The following TAGLN variants were observed in gnomAD, a reference collection of about 807,000 sequenced individuals.
The protein encoded by TAGLN is transgelin.
In TAGLN, 16 loss-of-function variants were observed where a neutral mutation model predicts 21.9. The observed-to-expected ratio is 0.73, with a 90% CI of 0.49 to 1.11. TAGLN has a LOEUF of 1.11. Among genes scored for constraint, TAGLN ranks in the 50% least tolerant of loss-of-function variants. TAGLN has a pLI of 0.00. For synonymous variants in TAGLN, 96 were observed against 94.9 expected (o/e 1.01, Z -0.06); for missense variants, 248 against 263.2 (o/e 0.94, Z 0.40).
intron 1 of TAGLN, chr11:117,202,348 C>G (rs1292003408): frequency 1.3e-5 from 2 of 152,238 alleles, no homozygotes; most frequent in African/African-American, 2.4e-5. Flanking sequence ...AGCTGCAGAC[C>G]AGAAGCTGAG....
intron 1 of TAGLN, among the ~76,000 whole-genome samples, chr11:117,200,671 G>A (rs945273120): frequency 6.6e-6 from 1 of 152,136 alleles, no homozygotes. Context: ...AGTGGGGATG[G>A]TGTGTGCTTC....
Position 117,205,573 on chromosome 11 carries a change from C to T in TAGLN, c.*1214C>T, listed in dbSNP as rs535325038. The T allele has an allele frequency of 7.0e-4, 168 of 238,680 alleles. No individual in the cohort carries two copies. The highest frequency in any genetic ancestry group is 3.0e-3 in the African/African-American group (139 of 45,658). The allele number at this position is 238,680 out of a possible 1,614,324, so 14.8% of individuals were successfully genotyped here. On this transcript the variant is annotated 3_prime_UTR_variant, in exon 5 of 5. Transcript: ENST00000392951. Reference sequence around the variant, plus strand: ...AGGCATGTCCAGGGGCTCCTCCCAGCCTCTACCCCGAAGTCCTCTTCCCAA... The same window carrying T: ...AGGCATGTCCAGGGGCTCCTCCCAGTCTCTACCCCGAAGTCCTCTTCCCAA...
chr11:117,203,888 T>G lies in TAGLN; in HGVS notation c.461+4T>G. 1 of 1,613,098 alleles carries G rather than the reference T, an allele frequency of 6.2e-7. No homozygotes were observed. The highest frequency in any genetic ancestry group is 8.5e-7 in the Non-Finnish European group (1 of 1,179,150). On this transcript the variant is annotated splice_donor_region_variant and intron_variant, in intron 4 of 4. Coordinates refer to ENST00000392951, the MANE Select transcript of TAGLN (RefSeq NM_003186.5). The surrounding 1 kb of genome is among the most constrained non-coding windows in gnomAD (Gnocchi z 4.4). ...GAGATCCCAACTGGTTTATGAAGTA[T>G]GTGGCCCCCAGGGAGCTTGGGTCTC...
At chr11:117,199,931 C>T (rs573269683) in intron 1 of TAGLN, 10 of 152,328 alleles carry the variant, frequency 6.6e-5, no homozygotes, top group African/African-American at 2.4e-4. Flanking sequence ...ATGTGAAGGG[C>T]CACAGAACTC....
chr11:117,199,850 C>A (rs1366945648), intron 1 of TAGLN: 1 of 152,258 alleles, frequency 6.6e-6, no homozygotes, highest in Non-Finnish European at 1.5e-5. Flanking sequence ...TGTGAACGCA[C>A]CTGTGTTGGA....
At position 117,203,398 on chromosome 11, in the gene TAGLN, T is replaced by G; in HGVS notation, c.272T>G (p.Met91Arg). The G allele has an allele frequency of 1.2e-6, 2 of 1,614,188 alleles. No homozygotes were observed. Among genetic ancestry groups the G allele is most frequent in the Non-Finnish European group, 1.7e-6 (2 of 1,180,034 alleles). ...ENPPSMVFKQ[M>R]EQVAQFLKAA... is the part of the protein sequence containing the mutation. The stretch of plus-strand genomic sequence containing the variant: ...CCACCCTCCATGGTCTTCAAGCAGA[T>G]GGAGCAGGTGGCTCAGTTCCTGAAG... The change falls in exon 3 of 5, where the codon ATG becomes AGG. Residue 91 changes from methionine (M) to arginine (R), a missense_variant. Transcript: ENST00000392951. The surrounding 1 kb of genome is among the most constrained non-coding windows in gnomAD (Gnocchi z 4.4).
Position 117,203,612 on chromosome 11 carries a change from C to A in TAGLN, c.358+128C>A. 7.8e-7 allele frequency: 1 copy of A among 1,277,858 alleles called. No individual in the cohort carries two copies. Among genetic ancestry groups the A allele is most frequent in the Non-Finnish European group, 1.1e-6 (1 of 916,668 alleles). 79.2% of individuals were successfully genotyped at this position (1,277,858 alleles called of 1,614,324 possible). A position where few individuals can be genotyped will look rare whatever the true frequency, so the allele number is the denominator to read the frequency against. On this transcript the variant is annotated intron_variant, in intron 3 of 4. Transcript: ENST00000392951. This position sits in a 1 kb window ranked among gnomAD's most constrained non-coding sequence, Gnocchi z 4.4. ...CGCACACAGCAGGGATGGGATATGCCGAGAATAACACGCCACGCTCACAGG... is the reference window on the plus strand; with the variant it reads ...CGCACACAGCAGGGATGGGATATGCAGAGAATAACACGCCACGCTCACAGG...
Position 117,203,696 on chromosome 11 carries a change from T to A in TAGLN, c.359-86T>A. The A allele has an allele frequency of 6.8e-7, 1 of 1,460,742 alleles. No homozygotes were observed. The highest frequency in any genetic ancestry group is 9.5e-7 in the Non-Finnish European group (1 of 1,056,518). The allele number at this position is 1,460,742 out of a possible 1,614,324, so 90.5% of individuals were successfully genotyped here. A position where few individuals can be genotyped will look rare whatever the true frequency, so the allele number is the denominator to read the frequency against. On this transcript the variant is annotated intron_variant, in intron 3 of 4. Coordinates refer to ENST00000392951, the MANE Select transcript of TAGLN (RefSeq NM_003186.5). This position sits in a 1 kb window ranked among gnomAD's most constrained non-coding sequence, Gnocchi z 4.4. The stretch of plus-strand genomic sequence containing the variant: ...ACTCTTGGCCCTGGTTTGGCCATTT[T>A]TTTGTGAGAGACGGGGGCAGGCCCT...
At chr11:117,204,053 C>A in intron 4 of TAGLN, 162 bp from the exon 5 acceptor site, 1 of 1,161,644 alleles carries the variant, frequency 8.6e-7, no homozygotes, top group South Asian at 1.5e-5. Flanking sequence ...CCTTTCCACC[C>A]TCCTGCGCTC....
intron 1 of TAGLN, chr11:117,202,518 G>A (rs2031141162): frequency 6.6e-6 from 1 of 152,410 alleles, no homozygotes; most frequent in South Asian, 2.1e-4. Flanking sequence ...TGGGGGCAAT[G>A]TGGCTTCTGG....
At chr11:117,199,960 CAA>C (rs1348143579) in intron 1 of TAGLN, 1 of 152,154 alleles carries the variant, frequency 6.6e-6, no homozygotes, top group African/African-American at 2.4e-5. Flanking sequence ...CAGTCAGGGG[CAA>C]AGAGTGGAGA....
chr11:117,206,006 C>T lies in TAGLN; in HGVS notation c.*1647C>T. On this transcript the variant is annotated 3_prime_UTR_variant, in exon 5 of 5. Transcript: ENST00000392951. ...CTGTCAGGCCCTGAGGTCAGCAGAT[C>T]TGCTCCTCCTTCCCGTGCGGTACGT... 1 of 1,174,424 alleles carries T rather than the reference C, an allele frequency of 8.5e-7. No homozygotes were observed. The highest frequency in any genetic ancestry group is 2.5e-5 in the East Asian group (1 of 39,452). The allele number at this position is 1,174,424 out of a possible 1,614,324, so 72.8% of individuals were successfully genotyped here.
chr11:117,203,369 G>T lies in TAGLN; in HGVS notation c.243G>T (p.Glu81Asp), dbSNP rs180986151. The change falls in exon 3 of 5, where the codon GAG (glutamate) becomes GAT (aspartate). Residue 81 changes from glutamate to aspartate, a missense_variant. Glu to Asp is a conservative substitution (Grantham distance 45). Transcript: ENST00000392951. The surrounding 1 kb of genome is among the most constrained non-coding windows in gnomAD (Gnocchi z 4.4). ...GCTCCAAGCCGGTGAAGGTGCCCGA[G>T]AACCCACCCTCCATGGTCTTCAAGC... is the stretch of plus-strand genomic sequence containing the variant. ...PDGSKPVKVP[E>D]NPPSMVFKQM... 8.7e-6 allele frequency: 14 copies of T among 1,614,194 alleles called. No homozygotes were observed. The highest frequency in any genetic ancestry group is 3.3e-4 in the Middle Eastern group (2 of 6,062).
intron 1 of TAGLN, chr11:117,202,385 G>A (rs1190803107): frequency 2.0e-5 from 3 of 152,268 alleles, no homozygotes; most frequent in African/African-American, 7.2e-5. Context: ...TGGAGTTCTG[G>A]AGTTCGGGCT....
rs528403147 is a variant in TAGLN at position 117,204,729 on chromosome 11, C to G, written c.*370C>G. On this transcript the variant is annotated 3_prime_UTR_variant, in exon 5 of 5. Coordinates refer to ENST00000392951, the MANE Select transcript of TAGLN (RefSeq NM_003186.5). ...AGAACCAGCCCAGCCTGCCCCCTATCTTGTCCTGGAATATTTTTGGGGTTG... is the reference window on the plus strand; with the variant it reads ...AGAACCAGCCCAGCCTGCCCCCTATGTTGTCCTGGAATATTTTTGGGGTTG... 2 of 294,604 alleles carry G rather than the reference C, an allele frequency of 6.8e-6. No individual in the cohort carries two copies. Among genetic ancestry groups the G allele is most frequent in the South Asian group, 9.2e-5 (2 of 21,706 alleles). 18.2% of individuals were successfully genotyped at this position (294,604 alleles called of 1,614,324 possible). A position where few individuals can be genotyped will look rare whatever the true frequency, so the allele number is the denominator to read the frequency against.
At chr11:117,199,904 G>A (rs556925716) in intron 1 of TAGLN, 2 of 152,386 alleles carry the variant, frequency 1.3e-5, no homozygotes. Flanking sequence ...CTGAGCAGCA[G>A]CGATAGCCCT....
At position 117,203,118 on chromosome 11, in the gene TAGLN, A is replaced by G. The variant is rs759849213; in HGVS notation, c.105A>G (p.Ile35Met). ...AGGAGCGGCTGGTGGAGTGGATCAT[A>G]GTGCAGTGTGGCCCTGATGTGGGCC... is the stretch of plus-strand genomic sequence containing the variant. ...ELEERLVEWI[I>M]VQCGPDVGRP... The change falls in exon 2 of 5, where the codon ATA becomes ATG. Residue 35 changes from isoleucine to methionine, a missense_variant. Coordinates refer to ENST00000392951, the MANE Select transcript of TAGLN (RefSeq NM_003186.5). This position sits in a 1 kb window ranked among gnomAD's most constrained non-coding sequence, Gnocchi z 4.4. 4 of 1,612,108 alleles carry G rather than the reference A, an allele frequency of 2.5e-6. No homozygotes were observed. The highest frequency in any genetic ancestry group is 3.4e-6 in the Non-Finnish European group (4 of 1,178,944).
In TAGLN at chr11:117,203,828, C is replaced by T. The variant is rs1379955809; in HGVS notation, c.405C>T (p.Ser135=). 18 of 1,614,052 alleles carry T rather than the reference C, an allele frequency of 1.1e-5. No homozygotes were observed. The highest frequency in any genetic ancestry group is 1.3e-5 in the Non-Finnish European group (15 of 1,179,956). Residue 135 remains serine, a synonymous_variant, in exon 4 of 5, where the codon AGC becomes AGT. Transcript: ENST00000392951. This position sits in a 1 kb window ranked among gnomAD's most constrained non-coding sequence, Gnocchi z 4.4. ...AGAGGACCCTGATGGCTTTGGGCAG[C>T]TTGGCAGTGACCAAGAATGATGGGC... The part of the protein sequence containing the change: ...AVQRTLMALG[S]LAVTKNDGHY...
rs1591784573 is a variant in TAGLN, at chr11:117,206,427, A to G, written c.*2068A>G. ...CTACAGCCTTTCTCAGCCCAGGACA[A>G]TGAGCTCAGAAAGTCTTTTTCCTTC... is the stretch of plus-strand genomic sequence containing the variant. On this transcript the variant is annotated 3_prime_UTR_variant, in exon 5 of 5. Transcript: ENST00000392951. 2.6e-6 allele frequency: 4 copies of G among 1,540,928 alleles called. No homozygotes were observed. The highest frequency in any genetic ancestry group is 2.3e-5 in the East Asian group (1 of 44,274).
Sources: gnomAD v4.1 joint callset for allele counts (sites outside exome capture counted in the v4.1 genomes callset) on GRCh38, gnomAD v4.1.1 for gene constraint, Gnocchi (gnomAD v3.1) non-coding constraint, MANE v1.5 for transcripts, NCBI Gene and HGNC (gene_info 2026-07-23, HGNC 2026-07-21) for gene names.